The following PCDH15 variants were observed in gnomAD, a reference collection of about 807,000 sequenced individuals.
PCDH15 encodes the protein protocadherin-15.
In PCDH15, 129 loss-of-function variants were observed where a neutral mutation model predicts 178.5. The ratio of observed to expected loss-of-function variants is 0.72; its 90% CI spans 0.63 to 0.84. The LOEUF (loss-of-function observed/expected upper bound fraction) is 0.84, where lower values mean the gene tolerates loss of function less well. PCDH15 is among the 40% of genes least tolerant of loss of function. The probability of loss-of-function intolerance (pLI) is 0.00; values close to 1 mark genes in which losing one functional copy is unlikely to be tolerated. For missense variants in PCDH15, 2,230 were observed against 2,099.9 expected (o/e 1.06, Z -1.21); for synonymous variants, 800 against 732.0 (o/e 1.09, Z -1.50).
chr10:54,294,549 G>C (rs1248800662), intron 8 of PCDH15, among the ~76,000 whole-genome samples: 1 of 152,212 alleles, frequency 6.6e-6, no homozygotes, highest in Non-Finnish European at 1.5e-5. Flanking sequence ...GATGCCAAAA[G>C]ATAAAAATCT....
intron 2 of PCDH15, among the ~76,000 whole-genome samples, chr10:55,121,602 C>T (rs866328458): frequency 2.0e-4 from 30 of 152,134 alleles, no homozygotes; most frequent in African/African-American, 7.0e-4. Flanking sequence ...ATTTAAACCC[C>T]AATGTGATAG....
At chr10:54,624,308 G>A (rs914451843) in intron 2 of PCDH15, among the ~76,000 whole-genome samples, 1 of 152,134 alleles carries the variant, frequency 6.6e-6, no homozygotes, top group Admixed American at 6.5e-5. Context: ...AAAATATTTA[G>A]AACCACTTGT....
At chr10:53,972,712 A>G (rs1435672778) in intron 21 of PCDH15, among the ~76,000 whole-genome samples, 1 of 152,252 alleles carries the variant, frequency 6.6e-6, no homozygotes, top group Non-Finnish European at 1.5e-5. Flanking sequence ...ACTGGCCATC[A>G]GAGAAATGCA....
At chr10:55,270,609 C>T (rs1842418498) in intron 1 of PCDH15, among the ~76,000 whole-genome samples, 1 of 151,434 alleles carries the variant, frequency 6.6e-6, no homozygotes, top group Non-Finnish European at 1.5e-5. Flanking sequence ...TCACACCAGT[C>T]AGAATGGCTA....
In PCDH15 at chr10:55,402,817, C is replaced by T. The variant is rs553829169; in HGVS notation, c.-156+224808G>A. Among the ~76,000 whole-genome samples the T allele has an allele frequency of 9.9e-5, 15 of 151,938 alleles. No individual in the cohort carries two copies. In the South Asian group the frequency reaches 2.9e-3, roughly 29 times the overall value. On this transcript the variant is annotated intron_variant, in intron 2 of 5. Transcript: ENST00000613346. ...AGGTGTCCCTTTGATATAAAGATTTCCTTTCTTTTGGATAAATACCCAGTA... is the reference window on the plus strand; with the variant it reads ...AGGTGTCCCTTTGATATAAAGATTTTCTTTCTTTTGGATAAATACCCAGTA...
intron 15 of PCDH15, among the ~76,000 whole-genome samples, chr10:54,095,832 G>A (rs1490799169): frequency 1.3e-5 from 2 of 152,080 alleles, no homozygotes; most frequent in Non-Finnish European, 2.9e-5. Context: ...TGTACAAAAT[G>A]GGTAACCTTG....
At chr10:55,365,224 T>C (rs1845327024) in intron 2 of PCDH15, among the ~76,000 whole-genome samples, 1 of 152,156 alleles carries the variant, frequency 6.6e-6, no homozygotes, top group Non-Finnish European at 1.5e-5. Flanking sequence ...CAGACTTAAC[T>C]CATTGTTTAG....
At chr10:54,956,885 A>G (rs1838504239) in intron 2 of PCDH15, among the ~76,000 whole-genome samples, 1 of 151,718 alleles carries the variant, frequency 6.6e-6, no homozygotes, top group Admixed American at 6.6e-5. Context: ...ATACTGACAT[A>G]TCATTGAATA....
chr10:53,967,086 A>G (rs2610906), intron 21 of PCDH15, among the ~76,000 whole-genome samples: 107,733 of 151,856 alleles, frequency 0.71, 38,580 homozygotes, highest in East Asian at 0.87. Flanking sequence ...TAATCCCCAC[A>G]TGCTGTTGGA....
chr10:54,200,828 T>C (rs2050160241), intron 10 of PCDH15, among the ~76,000 whole-genome samples: 1 of 152,150 alleles, frequency 6.6e-6, no homozygotes, highest in Non-Finnish European at 1.5e-5. Flanking sequence ...GTTATTCATC[T>C]TTTCTTTATA....
At position 54,637,447 on chromosome 10, in the gene PCDH15, G is replaced by A. The variant is rs896686954; in HGVS notation, c.91+26725C>T. ...GAAAATCCATTTATTTGTCTGCTCCGGCTTCTGGAGACAGCCCTGTTCCTT... is the reference window on the plus strand; with the variant it reads ...GAAAATCCATTTATTTGTCTGCTCCAGCTTCTGGAGACAGCCCTGTTCCTT... On this transcript the variant is annotated intron_variant, in intron 2 of 37. Coordinates refer to ENST00000644397, the MANE Select transcript of PCDH15 (RefSeq NM_001384140.1). 2.1e-4 allele frequency among the ~76,000 whole-genome samples: 32 copies of A among 151,964 alleles called. 1 individual carries two copies. The highest frequency in any genetic ancestry group is 6.7e-4 in the African/African-American group (28 of 41,514).
chr10:54,660,224 A>C (rs2094469856), intron 2 of PCDH15, among the ~76,000 whole-genome samples: 1 of 152,122 alleles, frequency 6.6e-6, no homozygotes, highest in Non-Finnish European at 1.5e-5. Flanking sequence ...TCTAATACGC[A>C]CAATCAGAAA....
intron 29 of PCDH15, among the ~76,000 whole-genome samples, chr10:53,839,674 ATT>A (rs11297132): frequency 3.4e-4 from 51 of 149,712 alleles, no homozygotes; most frequent in South Asian, 6.3e-4. Flanking sequence ...TCTGTTAACA[ATT>A]TTTTTTTTTT....
chr10:54,756,720 A>AAGAGAGAGAG (rs61202887), intron 1 of PCDH15, among the ~76,000 whole-genome samples: 3 of 150,854 alleles, frequency 2.0e-5, no homozygotes, highest in East Asian at 3.9e-4. Flanking sequence ...ATGTATGTGA[A>AAGAGAGAGAG]AGAGAGAGAG....
chr10:54,687,203 G>A (rs1294650411), intron 1 of PCDH15, among the ~76,000 whole-genome samples: 1 of 152,090 alleles, frequency 6.6e-6, no homozygotes, highest in African/African-American at 2.4e-5. Context: ...AAAACTGTTG[G>A]TGGGAATGCA....
At chr10:53,851,077 G>T (rs2078326140) in intron 28 of PCDH15, among the ~76,000 whole-genome samples, 1 of 151,872 alleles carries the variant, frequency 6.6e-6, no homozygotes, top group African/African-American at 2.4e-5. Flanking sequence ...TCTTTCTCTG[G>T]GTTTTCATAA....
Position 54,329,957 on chromosome 10 carries a change from A to G in PCDH15, c.595-251T>C, listed in dbSNP as rs1327216700. On this transcript the variant is annotated intron_variant, in intron 6 of 37. Coordinates refer to ENST00000644397, the MANE Select transcript of PCDH15 (RefSeq NM_001384140.1). The stretch of plus-strand genomic sequence containing the variant: ...TTCTTGTCATAGTTTTTAATATATT[A>G]CTAGTATTATTCATCAACAGTCTTG... Among the ~76,000 whole-genome samples the G allele has an allele frequency of 3.3e-5, 5 of 151,808 alleles. No homozygotes were observed. The East Asian group carries it at 9.7e-4, about 29-fold the overall frequency.
rs67991291 is a variant in PCDH15, at chr10:54,635,162, TATAA to T, written c.91+29006_91+29009del. Among the ~76,000 whole-genome samples, 1,085 of 145,420 alleles carry T rather than the reference TATAA, an allele frequency of 7.5e-3. 13 individuals are homozygous for T. Among genetic ancestry groups the T allele is most frequent in the African/African-American group, 0.025 (1,013 of 40,312 alleles). On this transcript the variant is annotated intron_variant, in intron 2 of 37. Transcript: ENST00000644397. ...TTTGAAATGTATACAAATAGTCTCCTATAAATAAATAAATAAATAAATAAATAAA... is the reference window on the plus strand; with the variant it reads ...TTTGAAATGTATACAAATAGTCTCCTATAAATAAATAAATAAATAAATAAA...
At chr10:54,981,751 T>A (rs1286058803) in intron 2 of PCDH15, among the ~76,000 whole-genome samples, 1 of 152,060 alleles carries the variant, frequency 6.6e-6, no homozygotes, top group African/African-American at 2.4e-5. Flanking sequence ...CATGTTTACT[T>A]ATTTTTCCTG....
Sources: allele counts gnomAD v4.1 joint callset (sites outside exome capture counted in the v4.1 genomes callset), GRCh38; gene constraint gnomAD v4.1.1; transcripts MANE v1.5; gene names NCBI Gene and HGNC (gene_info 2026-07-23, HGNC 2026-07-21).